The following UNC5D variants were observed in gnomAD, a reference collection of about 807,000 sequenced individuals.
The protein encoded by UNC5D is netrin receptor UNC5D.
A neutral mutation model predicts 105.4 loss-of-function variants in UNC5D; 39 were observed. That is an observed-to-expected ratio of 0.37 (90% CI 0.29 to 0.48). The LOEUF is 0.48. UNC5D is among the 20% of genes least tolerant of loss of function. The pLI, the probability that UNC5D is intolerant of heterozygous loss-of-function variation, is 0.98. For synonymous variants in UNC5D, 452 were observed against 450.4 expected (o/e 1.00, Z -0.04); for missense variants, 991 against 1,202.4 (o/e 0.82, Z 2.60).
At position 35,629,844 on chromosome 8, in the gene UNC5D, C is replaced by G. The variant is rs149001016; in HGVS notation, c.570+34187C>G. Among the ~76,000 whole-genome samples, 46 of 152,116 alleles carry G rather than the reference C, an allele frequency of 3.0e-4. 1 individual carries two copies. The highest frequency in any genetic ancestry group is 1.7e-3 in the East Asian group (9 of 5,180). On this transcript the variant is annotated intron_variant, in intron 4 of 16. Coordinates refer to ENST00000404895, the MANE Select transcript of UNC5D (RefSeq NM_080872.4). ...TACAATCTTAAATTATCCCCCCACC[C>G]CAGGTCGTAAAAGTATTGAGATCAC... is the stretch of plus-strand genomic sequence containing the variant.
At chr8:35,424,008 C>T (rs1229252716) in intron 1 of UNC5D, among the ~76,000 whole-genome samples, 1 of 152,008 alleles carries the variant, frequency 6.6e-6, no homozygotes, top group Admixed American at 6.6e-5. Context: ...CTATGTTGCC[C>T]CAACTGGTCT....
In UNC5D at chr8:35,621,796, T is replaced by C. The variant is rs1162525891; in HGVS notation, c.570+26139T>C. On this transcript the variant is annotated intron_variant, in intron 4 of 16. Transcript: ENST00000404895. Reference sequence around the variant, plus strand: ...GATCCTAGAAGGTGCAGCATATTCCTGGAGCATGTGCCTGAGCCTTCAGTA... The same window carrying C: ...GATCCTAGAAGGTGCAGCATATTCCCGGAGCATGTGCCTGAGCCTTCAGTA... 2.6e-5 allele frequency among the ~76,000 whole-genome samples: 4 copies of C among 152,262 alleles called. No individual in the cohort carries two copies. The East Asian group carries it at 5.8e-4, about 22-fold the overall frequency.
chr8:35,355,800 A>C (rs1801519278), intron 1 of UNC5D, among the ~76,000 whole-genome samples: 1 of 152,108 alleles, frequency 6.6e-6, no homozygotes, highest in African/African-American at 2.4e-5. Context: ...GGCTGGATGG[A>C]ACTAGCTAGG....
chr8:35,557,924 A>T (rs1335099527), intron 2 of UNC5D, among the ~76,000 whole-genome samples: 1 of 151,870 alleles, frequency 6.6e-6, no homozygotes, highest in East Asian at 1.9e-4. Flanking sequence ...CTGAGATCAG[A>T]AGTTCAAGAC....
intron 1 of UNC5D, among the ~76,000 whole-genome samples, chr8:35,307,679 C>T (rs1195020297): frequency 1.3e-5 from 2 of 152,152 alleles, no homozygotes; most frequent in African/African-American, 4.8e-5. Flanking sequence ...TGCATGGTCA[C>T]TTGCAGTGAA....
At chr8:35,331,668 A>G (rs1303476781) in intron 1 of UNC5D, among the ~76,000 whole-genome samples, 2 of 152,150 alleles carry the variant, frequency 1.3e-5, no homozygotes, top group African/African-American at 4.8e-5. Flanking sequence ...TTTCTTTTTC[A>G]TCATGAATCA....
At chr8:35,341,512 C>T (rs148062137) in intron 1 of UNC5D, among the ~76,000 whole-genome samples, 1 of 149,554 alleles carries the variant, frequency 6.7e-6, no homozygotes, top group African/African-American at 2.5e-5. Context: ...TTGAACTGAT[C>T]ATTGGATATA....
intron 1 of UNC5D, among the ~76,000 whole-genome samples, chr8:35,366,542 T>C (rs1254773243): frequency 6.6e-6 from 1 of 152,106 alleles, no homozygotes; most frequent in Admixed American, 6.6e-5. Context: ...TCCATTTGCT[T>C]ATGTAATTGT....
At chr8:35,642,721 A>G (rs1822818405) in intron 4 of UNC5D, among the ~76,000 whole-genome samples, 1 of 152,144 alleles carries the variant, frequency 6.6e-6, no homozygotes, top group African/African-American at 2.4e-5. Context: ...TAATTAGCAC[A>G]TACTGCAAAG....
chr8:35,413,481 C>T (rs1390081162), intron 1 of UNC5D, among the ~76,000 whole-genome samples: 3 of 148,596 alleles, frequency 2.0e-5, no homozygotes, highest in Middle Eastern at 3.5e-3. Context: ...TTTTTAACTG[C>T]GGCATTCTGC....
Position 35,793,288 on chromosome 8 carries a change from G to T in UNC5D, c.*2725G>T. On this transcript the variant is annotated 3_prime_UTR_variant, in exon 17 of 17. Transcript: ENST00000404895. The stretch of plus-strand genomic sequence containing the variant: ...GTGTGGTGGAGGAGGTAGAATTGCA[G>T]ATCAGATAAAAAGTGAGCTTACACT... The T allele has an allele frequency of 2.7e-6, 1 of 375,598 alleles. No individual in the cohort carries two copies. The highest frequency in any genetic ancestry group is 2.0e-5 in the South Asian group (1 of 50,420). The allele number at this position is 375,598 out of a possible 1,614,324, so 23.3% of individuals were successfully genotyped here.
chr8:35,599,860 G>C (rs1563575606), intron 4 of UNC5D, among the ~76,000 whole-genome samples: 1 of 152,120 alleles, frequency 6.6e-6, no homozygotes, highest in Non-Finnish European at 1.5e-5. Flanking sequence ...GTGCAGGTTA[G>C]TTACATAAGT....
At chr8:35,453,551 A>G (rs1808301564) in intron 1 of UNC5D, among the ~76,000 whole-genome samples, 1 of 152,192 alleles carries the variant, frequency 6.6e-6, no homozygotes, top group African/African-American at 2.4e-5. Flanking sequence ...CCAATAATAG[A>G]ATAATTTTGT....
chr8:35,422,009 T>C (rs1028147496), intron 1 of UNC5D, among the ~76,000 whole-genome samples: 1 of 152,222 alleles, frequency 6.6e-6, no homozygotes, highest in African/African-American at 2.4e-5. Flanking sequence ...AGAGAATCTT[T>C]TTTCAACAAT....
At chr8:35,766,462 TGGC>T (rs1225176197) in intron 14 of UNC5D, among the ~76,000 whole-genome samples, 1 of 152,212 alleles carries the variant, frequency 6.6e-6, no homozygotes, top group African/African-American at 2.4e-5. Flanking sequence ...AGTTAAGTTC[TGGC>T]CAATCAGTTC....
intron 1 of UNC5D, among the ~76,000 whole-genome samples, chr8:35,457,572 A>G (rs1355090394): frequency 6.6e-6 from 1 of 152,166 alleles, no homozygotes; most frequent in Non-Finnish European, 1.5e-5. Flanking sequence ...TGTTTGGAAT[A>G]TGTTCTTGTC....
At chr8:35,396,526 C>T (rs1804112209) in intron 1 of UNC5D, among the ~76,000 whole-genome samples, 1 of 151,852 alleles carries the variant, frequency 6.6e-6, no homozygotes, top group Non-Finnish European at 1.5e-5. Flanking sequence ...AGACAAAAAC[C>T]TCCCTCGGTC....
intron 1 of UNC5D, among the ~76,000 whole-genome samples, chr8:35,546,361 T>C (rs1186806889): frequency 6.6e-6 from 1 of 152,208 alleles, no homozygotes; most frequent in Non-Finnish European, 1.5e-5. Context: ...TTTAGATCTC[T>C]CTGTATTTTG....
In UNC5D at chr8:35,790,348, T is replaced by C. The variant is rs1338348598; in HGVS notation, c.2658-11T>C. On this transcript the variant is annotated splice_polypyrimidine_tract_variant and intron_variant, in intron 16 of 16. Coordinates refer to ENST00000404895, the MANE Select transcript of UNC5D (RefSeq NM_080872.4). The stretch of plus-strand genomic sequence containing the variant: ...TCGTTTTGTTCTTTGTGTTTAACTC[T>C]CTCCATCTAGGAATTTATCTTATTT... 2 of 1,613,326 alleles carry C rather than the reference T, an allele frequency of 1.2e-6. No homozygotes were observed. The highest frequency in any genetic ancestry group is 1.7e-6 in the Non-Finnish European group (2 of 1,179,562).
Sources: gnomAD v4.1 joint callset for allele counts (sites outside exome capture counted in the v4.1 genomes callset) on GRCh38, gnomAD v4.1.1 for gene constraint, MANE v1.5 for transcripts, NCBI Gene and HGNC (gene_info 2026-07-23, HGNC 2026-07-21) for gene names.